The following ADAM22 variants were observed in gnomAD, a reference collection of about 807,000 sequenced individuals.
The protein encoded by ADAM22 is ADAM metallopeptidase domain 22.
Under a neutral mutation model 144.6 loss-of-function variants are expected in ADAM22, and 65 were observed. That is an observed-to-expected ratio of 0.45 (90% confidence interval 0.37 to 0.55). The LOEUF (loss-of-function observed/expected upper bound fraction) is 0.55. Among genes scored for constraint, ADAM22 ranks in the 20% least tolerant of loss-of-function variants. The probability of loss-of-function intolerance (pLI) is 0.00; values close to 1 mark genes in which losing one functional copy is unlikely to be tolerated. For missense variants in ADAM22, 974 were observed against 1,184.9 expected (o/e 0.82, Z 2.61); for synonymous variants, 391 against 412.6 (o/e 0.95, Z 0.63).
At position 88,089,222 on chromosome 7, in the gene ADAM22, G is replaced by A. The variant is rs188520496; in HGVS notation, c.390+13530G>A. Among the ~76,000 whole-genome samples, 27 of 151,976 alleles carry A rather than the reference G, an allele frequency of 1.8e-4. 1 individual carries two copies. In the East Asian group the frequency reaches 4.8e-3, roughly 27 times the overall value. Reference sequence around the variant, plus strand: ...AACTGCATTACCATACAGAATCTTGGCTCTTTCTATAAGAGTAAGAAGAGT... The same window carrying A: ...AACTGCATTACCATACAGAATCTTGACTCTTTCTATAAGAGTAAGAAGAGT... On this transcript the variant is annotated intron_variant, in intron 4 of 31. Transcript: ENST00000413139.
At chr7:88,086,869 G>T (rs866443440) in intron 4 of ADAM22, among the ~76,000 whole-genome samples, 2 of 152,170 alleles carry the variant, frequency 1.3e-5, no homozygotes, top group Non-Finnish European at 2.9e-5. Flanking sequence ...GAAATGAACA[G>T]TTATATAGGC....
intron 4 of ADAM22, among the ~76,000 whole-genome samples, chr7:88,083,976 C>T (rs1465451284): frequency 6.6e-6 from 1 of 152,012 alleles, no homozygotes; most frequent in Non-Finnish European, 1.5e-5. Flanking sequence ...TTTCATTTGG[C>T]TTCACTTCTC....
intron 4 of ADAM22, among the ~76,000 whole-genome samples, chr7:88,093,594 T>C (rs1386411835): frequency 6.6e-6 from 1 of 152,184 alleles, no homozygotes; most frequent in Admixed American, 6.5e-5. Flanking sequence ...TCTCCCAGGC[T>C]GGAGTGCAGT....
rs147451178 is a variant in ADAM22 at position 88,195,414 on chromosome 7, A to C, written c.2875-1057A>C. On this transcript the variant is annotated intron_variant, in intron 31 of 31. Coordinates refer to ENST00000413139, the MANE Select transcript of ADAM22 (RefSeq NM_001324418.2). ...TAAAGAGCTCATGGCAAAAGCAAGG[A>C]GAGGGTAAGAGGGACAGAATGAATG... Among the ~76,000 whole-genome samples the C allele has an allele frequency of 2.0e-3, 304 of 152,318 alleles. 1 individual carries two copies. The highest frequency in any genetic ancestry group is 7.0e-3 in the African/African-American group (289 of 41,564).
rs766277735 is a variant in ADAM22, at chr7:87,990,087, A to G, written c.323+11675A>G. ...TCATTCACTCATCTATCCATCCATCAAGTGTATATAGAGTACACTTGATGT... is the reference window on the plus strand; with the variant it reads ...TCATTCACTCATCTATCCATCCATCGAGTGTATATAGAGTACACTTGATGT... On this transcript the variant is annotated intron_variant, in intron 3 of 31. Coordinates refer to ENST00000413139, the MANE Select transcript of ADAM22 (RefSeq NM_001324418.2). Among the ~76,000 whole-genome samples the G allele has an allele frequency of 2.6e-5, 4 of 152,048 alleles. No homozygotes were observed. The East Asian group carries it at 5.8e-4, about 22-fold the overall frequency.
intron 3 of ADAM22, among the ~76,000 whole-genome samples, chr7:88,061,839 CT>C (rs60313970): frequency 0.27 from 30,510 of 112,024 alleles, 3,508 homozygotes; most frequent in East Asian, 0.44. Context: ...CTCTCTCTCT[CT>C]TTTTTTTTTT....
At chr7:88,095,132 C>T (rs1820904449) in intron 4 of ADAM22, among the ~76,000 whole-genome samples, 1 of 152,128 alleles carries the variant, frequency 6.6e-6, no homozygotes, top group Admixed American at 6.6e-5. Flanking sequence ...GGCTTCTACC[C>T]ATTCTTACTG....
chr7:87,952,660 A>G (rs1845559333), intron 2 of ADAM22, among the ~76,000 whole-genome samples: 1 of 152,072 alleles, frequency 6.6e-6, no homozygotes, highest in Non-Finnish European at 1.5e-5. Flanking sequence ...GCCTCATAAA[A>G]TGAGTTAGGG....
At chr7:87,940,897 T>C (rs1842339368) in intron 2 of ADAM22, among the ~76,000 whole-genome samples, 1 of 152,240 alleles carries the variant, frequency 6.6e-6, no homozygotes, top group African/African-American at 2.4e-5. Context: ...AGGCAAGATA[T>C]CACCTACTGA....
At chr7:88,018,629 A>G (rs1217158668) in intron 3 of ADAM22, among the ~76,000 whole-genome samples, 1 of 152,216 alleles carries the variant, frequency 6.6e-6, no homozygotes, top group Non-Finnish European at 1.5e-5. Context: ...CACATTGTGA[A>G]GAAAGAAACC....
At chr7:87,956,417 TCTTA>T (rs1316543194) in intron 2 of ADAM22, among the ~76,000 whole-genome samples, 1 of 152,224 alleles carries the variant, frequency 6.6e-6, no homozygotes, top group Non-Finnish European at 1.5e-5. Context: ...ATAGTTCCTA[TCTTA>T]CTTATATGTA....
Position 88,083,733 on chromosome 7 carries a change from C to T in ADAM22, c.390+8041C>T, listed in dbSNP as rs763328621. On this transcript the variant is annotated intron_variant, in intron 4 of 31. Coordinates refer to ENST00000413139, the MANE Select transcript of ADAM22 (RefSeq NM_001324418.2). ...TTTCTAATTCATAATGACTTAAAAT[C>T]TGGTAATTCTTGTAAGCGACCTAGA... Among the ~76,000 whole-genome samples, 71 of 151,716 alleles carry T rather than the reference C, an allele frequency of 4.7e-4. 3 individuals carry two copies. Among genetic ancestry groups the T allele is most frequent in the African/African-American group, 4.8e-5 (2 of 41,284 alleles).
In ADAM22 at chr7:88,180,910, C is replaced by T. The variant is rs901424592; in HGVS notation, c.2496-595C>T. On this transcript the variant is annotated intron_variant, in intron 27 of 31. Transcript: ENST00000413139. ...TTGTGAGAGGCACTGTCATGATAAA[C>T]ATCTGATTCAGTTCAGTTATTGAAC... Among the ~76,000 whole-genome samples, 10 of 152,122 alleles carry T rather than the reference C, an allele frequency of 6.6e-5. No individual in the cohort carries two copies. In the South Asian group the frequency reaches 2.1e-3, roughly 31 times the overall value.
At chr7:88,151,374 C>A in intron 20 of ADAM22, 54 bp downstream of exon 20, 1 of 1,600,078 alleles carries the variant, frequency 6.2e-7, no homozygotes, top group Non-Finnish European at 8.6e-7. Flanking sequence ...AGGCGGACTT[C>A]TCAAGGACGT....
intron 4 of ADAM22, among the ~76,000 whole-genome samples, chr7:88,080,877 A>G (rs1816353462): frequency 6.6e-6 from 1 of 152,194 alleles, no homozygotes; most frequent in African/African-American, 2.4e-5. Context: ...AAAGTCCAGG[A>G]CCAGATGGAT....
intron 4 of ADAM22, among the ~76,000 whole-genome samples, chr7:88,086,465 TAAA>T (rs1252029244): frequency 6.6e-6 from 1 of 152,194 alleles, no homozygotes; most frequent in East Asian, 1.9e-4. Context: ...TATTAAAACT[TAAA>T]AAGAATTTTT....
chr7:87,976,871 T>C (rs1637493), intron 2 of ADAM22, among the ~76,000 whole-genome samples: 81,967 of 144,280 alleles, frequency 0.57, 22,818 homozygotes, highest in African/African-American at 0.67. Flanking sequence ...TTTTTATTTC[T>C]TTTTTTTTTT....
At chr7:87,964,332 A>G (rs981345975) in intron 2 of ADAM22, among the ~76,000 whole-genome samples, 1 of 152,208 alleles carries the variant, frequency 6.6e-6, no homozygotes, top group Non-Finnish European at 1.5e-5. Context: ...TATGTCTCCT[A>G]ATAATGGTAT....
Position 88,202,842 on chromosome 7 carries a change from T to G in ADAM22, c.*6351T>G, listed in dbSNP as rs1267117465. ...CCATGGTTTTCTATGTTACTCCCAT[T>G]GTAACATTAGTAAAGTGACTTTCAA... On this transcript the variant is annotated 3_prime_UTR_variant, in exon 32 of 32. Transcript: ENST00000413139. The G allele has an allele frequency of 1.3e-5, 2 of 152,242 alleles. No individual in the cohort carries two copies. The highest frequency in any genetic ancestry group is 4.8e-5 in the African/African-American group (2 of 41,468). The allele number at this position is 152,242 out of a possible 1,614,324, so 9.4% of individuals were successfully genotyped here. A position where few individuals can be genotyped will look rare whatever the true frequency, so the allele number is the denominator to read the frequency against.
Sources: gnomAD v4.1 joint callset for allele counts (sites outside exome capture counted in the v4.1 genomes callset) on GRCh38, gnomAD v4.1.1 for gene constraint, MANE v1.5 for transcripts, NCBI Gene and HGNC (gene_info 2026-07-23, HGNC 2026-07-21) for gene names.